The following PTP4A1 variants were observed in gnomAD, a reference collection of about 807,000 sequenced individuals.
PTP4A1 encodes protein tyrosine phosphatase 4A1.
In PTP4A1, 9 loss-of-function variants were observed where a neutral mutation model predicts 20.5. The ratio of observed to expected loss-of-function variants is 0.44; its 90% CI spans 0.26 to 0.77. The LOEUF (loss-of-function observed/expected upper bound fraction) is 0.77. Among genes scored for constraint, PTP4A1 ranks in the 30% least tolerant of loss-of-function variants. PTP4A1 has a pLI of 0.19. For missense variants in PTP4A1, 137 were observed against 218.8 expected, an observed-to-expected ratio of 0.63 and a Z score of 2.36; for synonymous variants, 78 against 67.4, an observed-to-expected ratio of 1.16 and a Z score of -0.77.
chr6:63,551,594 T>C (rs1049783710), intron 3 of PTP4A1, among the ~76,000 whole-genome samples: 2 of 152,166 alleles, frequency 1.3e-5, no homozygotes, highest in Non-Finnish European at 2.9e-5. Flanking sequence ...TGTGCAGGTT[T>C]GTTACATATG....
chr6:63,565,454 A>C (rs539619148), intron 3 of PTP4A1, among the ~76,000 whole-genome samples: 1 of 152,352 alleles, frequency 6.6e-6, no homozygotes, highest in South Asian at 2.1e-4. Flanking sequence ...CTTTAAAAAA[A>C]AAAGTTGTTC....
At chr6:63,539,760 T>C (rs1162527439) in intron 2 of PTP4A1, among the ~76,000 whole-genome samples, 2 of 149,256 alleles carry the variant, frequency 1.3e-5, no homozygotes, top group African/African-American at 2.5e-5. Context: ...AGAGTGAGAC[T>C]CTGTCTCAAA....
At chr6:63,578,618 CATAA>C (rs1778026283) in intron 3 of PTP4A1, 89 bp downstream of exon 3, 1 of 1,474,038 alleles carries the variant, frequency 6.8e-7, no homozygotes, top group East Asian at 2.6e-5. Context: ...CTATTTAAGT[CATAA>C]ATAGACCTCA....
chr6:63,573,225 G>A (rs1483679375), intron 1 of PTP4A1: 1 of 152,884 alleles, frequency 6.5e-6, no homozygotes, highest in Non-Finnish European at 1.5e-5. Context: ...GTGGGGCGAG[G>A]GCTGCGCGTG....
chr6:63,572,136 C>G (rs1188942209), upstream of PTP4A1: 1 of 152,420 alleles, frequency 6.6e-6, no homozygotes, highest in African/African-American at 2.4e-5. Context: ...TGTGTGCACT[C>G]CTGGACCGTT....
At chr6:63,522,197 T>A (rs574538696) in intron 1 of PTP4A1, among the ~76,000 whole-genome samples, 29 of 152,380 alleles carry the variant, frequency 1.9e-4, no homozygotes, top group African/African-American at 7.0e-4. Context: ...GAATGTCATA[T>A]TCCTTTTTCT....
At chr6:63,518,149 G>A (rs367759551), upstream of PTP4A1, among the ~76,000 whole-genome samples, 260 of 130,596 alleles carry the variant, frequency 2.0e-3, no homozygotes, top group Non-Finnish European at 3.4e-3. Flanking sequence ...GTGAGACTCC[G>A]TCTCCAAAAA....
intron 3 of PTP4A1, among the ~76,000 whole-genome samples, chr6:63,560,508 T>C (rs1023644779): frequency 2.0e-5 from 3 of 151,588 alleles, no homozygotes; most frequent in African/African-American, 7.3e-5. Context: ...GTTCAAGTGA[T>C]TCTCCTGCCT....
intron 3 of PTP4A1, among the ~76,000 whole-genome samples, chr6:63,556,989 C>G (rs1004319703): frequency 7.2e-5 from 11 of 152,134 alleles, no homozygotes; most frequent in Non-Finnish European, 1.3e-4. Context: ...GCGCAGTCAT[C>G]CAAACATCCT....
At chr6:63,522,812 T>C (rs1774989897) in intron 1 of PTP4A1, among the ~76,000 whole-genome samples, 1 of 151,930 alleles carries the variant, frequency 6.6e-6, no homozygotes, top group Non-Finnish European at 1.5e-5. Flanking sequence ...CCATGTAAAG[T>C]GACTCAGACT....
intron 2 of PTP4A1, among the ~76,000 whole-genome samples, chr6:63,538,269 A>G (rs920864426): frequency 1.3e-5 from 2 of 152,234 alleles, no homozygotes; most frequent in East Asian, 3.8e-4. Flanking sequence ...AGGGAAATCT[A>G]GAACTGTTCT....
chr6:63,541,582 T>C (rs766873146), intron 2 of PTP4A1, among the ~76,000 whole-genome samples: 38 of 152,132 alleles, frequency 2.5e-4, no homozygotes, highest in African/African-American at 9.2e-4. Context: ...CTAGCACTAA[T>C]AAAGGAATAT....
upstream of PTP4A1, among the ~76,000 whole-genome samples, chr6:63,518,797 T>G (rs1054840230): frequency 6.6e-6 from 1 of 152,128 alleles, no homozygotes; most frequent in African/African-American, 2.4e-5. Context: ...GCTGAAAAGA[T>G]AGAAAATAAC....
At chr6:63,574,649 G>C (rs961093550) in intron 1 of PTP4A1, among the ~76,000 whole-genome samples, 2 of 152,182 alleles carry the variant, frequency 1.3e-5, no homozygotes, top group African/African-American at 4.8e-5. Flanking sequence ...TATGGAAATA[G>C]TGGTGTGAAA....
At chr6:63,577,033 G>T (rs372864450) in intron 2 of PTP4A1, 48 bp downstream of exon 2, 7 of 1,438,346 alleles carry the variant, frequency 4.9e-6, no homozygotes, top group Non-Finnish European at 6.8e-6. Context: ...CAATATAATA[G>T]TGGGACTTAT....
At chr6:63,520,316 A>G (rs1358882984), upstream of PTP4A1, among the ~76,000 whole-genome samples, 8 of 152,206 alleles carry the variant, frequency 5.3e-5, no homozygotes, top group Non-Finnish European at 1.0e-4. Context: ...ATGAATAGGA[A>G]AAATAGTAAA....
intron 3 of PTP4A1, among the ~76,000 whole-genome samples, chr6:63,559,076 C>T (rs1036517897): frequency 6.6e-6 from 1 of 152,182 alleles, no homozygotes; most frequent in Non-Finnish European, 1.5e-5. Flanking sequence ...CTCCCCTTAT[C>T]AGTCAAAAGA....
chr6:63,523,298 G>A (rs1775017011), intron 1 of PTP4A1, among the ~76,000 whole-genome samples: 1 of 151,930 alleles, frequency 6.6e-6, no homozygotes, highest in Non-Finnish European at 1.5e-5. Context: ...GTCTATAAAT[G>A]AAGGCGGGCA....
At chr6:63,530,449 G>T (rs1416560163) in intron 2 of PTP4A1, among the ~76,000 whole-genome samples, 3 of 152,060 alleles carry the variant, frequency 2.0e-5, no homozygotes, top group African/African-American at 7.2e-5. Flanking sequence ...AGATGCTCTA[G>T]GTAAACATGA....
Sources: gnomAD v4.1 joint callset for allele counts (sites outside exome capture counted in the v4.1 genomes callset) on GRCh38, gnomAD v4.1.1 for gene constraint, MANE v1.5 for transcripts, NCBI Gene and HGNC (gene_info 2026-07-23, HGNC 2026-07-21) for gene names.